Variants in R3HDM2 observed in about 807,000 individuals in gnomAD.
The protein encoded by R3HDM2 is R3H domain-containing protein 2.
In R3HDM2, 38 loss-of-function variants were observed where a neutral mutation model predicts 124.5. That is an observed-to-expected ratio of 0.31 (90% confidence interval 0.24 to 0.40). The LOEUF (loss-of-function observed/expected upper bound fraction) is 0.40, where lower values mean the gene tolerates loss of function less well. Among genes scored for constraint, R3HDM2 ranks in the 10% least tolerant of loss-of-function variants. The pLI is 1.00. For missense variants in R3HDM2, 869 were observed against 1,236.9 expected, an observed-to-expected ratio of 0.70 and a Z score of 4.46; for synonymous variants, 391 against 448.0, an observed-to-expected ratio of 0.87 and a Z score of 1.61.
chr12:57,386,603 C>A (rs1186154629), intron 2 of R3HDM2, among the ~76,000 whole-genome samples: 1 of 152,170 alleles, frequency 6.6e-6, no homozygotes, highest in Non-Finnish European at 1.5e-5. Flanking sequence ...GCGCCGCCCC[C>A]TGCTCCACCG....
Position 57,419,660 on chromosome 12 carries a change from T to C in R3HDM2, c.-106+11060A>G, listed in dbSNP as rs116403078. 4.9e-3 allele frequency among the ~76,000 whole-genome samples: 740 copies of C among 152,118 alleles called. 8 individuals carry two copies. The highest frequency in any genetic ancestry group is 0.017 in the African/African-American group (707 of 41,478). The stretch of plus-strand genomic sequence containing the variant: ...TCTCACAATGTTGCCCAGATTGCTT[T>C]CAAACTCCTGACATGATGTAATTCT... On this transcript the variant is annotated intron_variant, in intron 1 of 23. Transcript: ENST00000402412.
chr12:57,295,252 T>C, intron 10 of R3HDM2, 147 bp downstream of exon 10: 1 of 624,262 alleles, frequency 1.6e-6, no homozygotes, highest in Non-Finnish European at 2.8e-6. Context: ...GTTCTCAACA[T>C]TAAGCCAAAG....
rs111757279 is a variant in R3HDM2 at position 57,293,356 on chromosome 12, TAGAA to T, written c.811-693_811-690del. Among the ~76,000 whole-genome samples the T allele has an allele frequency of 3.4e-3, 505 of 150,298 alleles. 3 individuals are homozygous for T. The highest frequency in any genetic ancestry group is 0.01 in the African/African-American group (428 of 40,850). The stretch of plus-strand genomic sequence containing the variant: ...CAAAGAGAAAGAAAAGGAGAACAGA[TAGAA>T]AGAGGGGCAGAGAAAGGAAGAGAAG... On this transcript the variant is annotated intron_variant, in intron 10 of 23. Coordinates refer to ENST00000402412, the MANE Select transcript of R3HDM2 (RefSeq NM_001394031.1).
At chr12:57,342,026 C>G (rs1274262842) in intron 2 of R3HDM2, among the ~76,000 whole-genome samples, 1 of 152,142 alleles carries the variant, frequency 6.6e-6, no homozygotes, top group Non-Finnish European at 1.5e-5. Context: ...CAAAACTTAG[C>G]ACTTCAAAAT....
intron 1 of R3HDM2, chr12:57,418,322 T>C: frequency 1.0e-6 from 1 of 985,416 alleles, no homozygotes; most frequent in African/African-American, 1.7e-5. Flanking sequence ...GCGCAGAACA[T>C]TTAGTTAACG....
At chr12:57,366,160 AT>A (rs2062626180) in intron 2 of R3HDM2, among the ~76,000 whole-genome samples, 2 of 151,972 alleles carry the variant, frequency 1.3e-5, no homozygotes, top group African/African-American at 4.8e-5. Flanking sequence ...TTGTCTATCT[AT>A]GTTTTCATTT....
intron 20 of R3HDM2, 148 bp downstream of exon 20, chr12:57,258,742 A>C (rs1449294410): frequency 1.7e-5 from 12 of 695,252 alleles, no homozygotes; most frequent in Non-Finnish European, 2.6e-5. Context: ...GTTCCTTAAA[A>C]GAGGATGCTG....
At chr12:57,331,326 C>G (rs576368028) in intron 2 of R3HDM2, among the ~76,000 whole-genome samples, 10 of 152,198 alleles carry the variant, frequency 6.6e-5, no homozygotes, top group Non-Finnish European at 1.2e-4. Context: ...CTTAAATGAC[C>G]TGACCACCAG....
chr12:57,269,358 C>T lies in R3HDM2; in HGVS notation c.1679G>A (p.Arg560His), dbSNP rs1227203589. The change falls in exon 16 of 24, where the codon CGT (arginine) becomes CAT (histidine). Residue 560 changes from arginine to histidine, a missense_variant. Transcript: ENST00000402412. ...GGATGGCTGAGGCAGCTGCTGACCA[C>T]GTTGGGGGCTATAGGCCACCGGGTG... ...LSHPVAYSPQRGQQLPQPSQQ... is the reference protein window; with the variant it reads ...LSHPVAYSPQHGQQLPQPSQQ... The T allele has an allele frequency of 1.1e-5, 17 of 1,613,966 alleles. No individual in the cohort carries two copies. Among genetic ancestry groups the T allele is most frequent in the South Asian group, 8.8e-5 (8 of 91,072 alleles).
intron 1 of R3HDM2, among the ~76,000 whole-genome samples, chr12:57,429,812 T>C (rs1023959119): frequency 6.6e-6 from 1 of 151,972 alleles, no homozygotes. Flanking sequence ...AAAAAAGCAT[T>C]AGGAAGAAGA....
chr12:57,295,674 C>A, intron 9 of R3HDM2, 167 bp from the exon 10 acceptor site: 2 of 594,980 alleles, frequency 3.4e-6, no homozygotes, highest in Non-Finnish European at 6.0e-6. Context: ...TCTTCAGGGT[C>A]TGTACTTTAT....
At chr12:57,298,041 T>A in intron 7 of R3HDM2, 49 bp downstream of exon 7, 3 of 1,389,958 alleles carry the variant, frequency 2.2e-6, no homozygotes, top group Non-Finnish European at 3.0e-6. Flanking sequence ...CCTCTTGGAA[T>A]CTTGCTATCC....
chr12:57,282,804 G>A (rs1171292183), intron 13 of R3HDM2, among the ~76,000 whole-genome samples: 1 of 152,160 alleles, frequency 6.6e-6, no homozygotes, highest in African/African-American at 2.4e-5. Flanking sequence ...AACAGAGAAG[G>A]GCAGCAGAGA....
At chr12:57,350,315 CTAGGTGTTGGATTCATGGAAGT>C (rs2060551397) in intron 2 of R3HDM2, among the ~76,000 whole-genome samples, 1 of 151,944 alleles carries the variant, frequency 6.6e-6, no homozygotes, top group African/African-American at 2.4e-5. Flanking sequence ...TGTGTTGAAA[CTAGGTGTTGGATTCATGGAAGT>C]TAAACTATTC....
At chr12:57,297,673 G>A (rs891191832) in intron 7 of R3HDM2, 15 of 359,028 alleles carry the variant, frequency 4.2e-5, no homozygotes, top group Admixed American at 2.6e-4. Context: ...ATAAACACAC[G>A]TTATAAATCT....
At chr12:57,404,849 C>T (rs1259004534) in intron 1 of R3HDM2, among the ~76,000 whole-genome samples, 2 of 151,840 alleles carry the variant, frequency 1.3e-5, no homozygotes, top group Non-Finnish European at 2.9e-5. Flanking sequence ...GAGACCCCAT[C>T]TGTATTTGTA....
chr12:57,265,880 T>C (rs1289241543), intron 19 of R3HDM2, among the ~76,000 whole-genome samples: 1 of 148,078 alleles, frequency 6.8e-6, no homozygotes, highest in African/African-American at 2.5e-5. Context: ...CACTGCAAGC[T>C]CCGTCTCCCG....
intron 9 of R3HDM2, 33 bp from the exon 10 acceptor site, chr12:57,295,540 AG>A (rs1414312132): frequency 1.3e-6 from 2 of 1,482,502 alleles, no homozygotes; most frequent in Non-Finnish European, 1.8e-6. Flanking sequence ...AAAGGAAAGG[AG>A]GACAAAGACC....
intron 1 of R3HDM2, among the ~76,000 whole-genome samples, chr12:57,417,583 A>G (rs1021051589): frequency 1.2e-4 from 19 of 152,200 alleles, no homozygotes; most frequent in African/African-American, 4.6e-4. Context: ...CTCCCATGAC[A>G]TTATCACATT....
Sources: allele counts gnomAD v4.1 joint callset (sites outside exome capture counted in the v4.1 genomes callset), GRCh38; gene constraint gnomAD v4.1.1; transcripts MANE v1.5; gene names NCBI Gene and HGNC (gene_info 2026-07-23, HGNC 2026-07-21).